KAZN: variants seen among roughly 807,000 people sequenced by gnomAD.
KAZN encodes kazrin.
In KAZN, 40 loss-of-function variants were observed where a neutral mutation model predicts 87.4. The ratio of observed to expected loss-of-function variants is 0.46; its 90% CI spans 0.36 to 0.60. KAZN has a LOEUF of 0.60. Among genes scored for constraint, KAZN ranks in the 20% least tolerant of loss-of-function variants. The pLI is 0.00. For synonymous variants in KAZN, 466 were observed against 458.3 expected (o/e 1.02, Z -0.22); for missense variants, 898 against 1,073.9 (o/e 0.84, Z 2.29).
chr1:13,975,340 T>C (rs566147149), intron 1 of KAZN, among the ~76,000 whole-genome samples: 10 of 152,344 alleles, frequency 6.6e-5, no homozygotes, highest in Admixed American at 2.6e-4. Context: ...ATACCAAGCA[T>C]ATAAAAAAGG....
At chr1:14,930,713 C>T (rs1659717072) in intron 1 of KAZN, among the ~76,000 whole-genome samples, 1 of 152,222 alleles carries the variant, frequency 6.6e-6, no homozygotes, top group Non-Finnish European at 1.5e-5. Context: ...GACCCTTCCT[C>T]CTGCAGTTTC....
intron 1 of KAZN, among the ~76,000 whole-genome samples, chr1:14,816,567 G>A (rs1290619567): frequency 1.3e-5 from 2 of 152,138 alleles, no homozygotes; most frequent in Admixed American, 1.3e-4. Context: ...AATCTTGCTA[G>A]GGTATACAAG....
intron 1 of KAZN, among the ~76,000 whole-genome samples, chr1:14,098,525 G>T (rs530465308): frequency 6.6e-6 from 1 of 152,268 alleles, no homozygotes; most frequent in East Asian, 1.9e-4. Context: ...GGGTTGCTGT[G>T]GGCAACCAGG....
At chr1:14,905,902 C>T (rs946325539) in intron 1 of KAZN, among the ~76,000 whole-genome samples, 9 of 148,762 alleles carry the variant, frequency 6.0e-5, no homozygotes, top group African/African-American at 2.2e-4. Context: ...GACACGGTGG[C>T]TCATGCCTGT....
intron 1 of KAZN, among the ~76,000 whole-genome samples, chr1:13,944,080 A>T (rs1641043111): frequency 1.3e-5 from 2 of 152,262 alleles, no homozygotes; most frequent in East Asian, 1.9e-4. Flanking sequence ...GCAGATGCTC[A>T]TAGCTGCCTT....
chr1:14,643,402 A>G (rs1013763426), intron 1 of KAZN, among the ~76,000 whole-genome samples: 7 of 152,162 alleles, frequency 4.6e-5, no homozygotes, highest in African/African-American at 1.7e-4. Flanking sequence ...GCCCTGACTT[A>G]TAAGTGAGAA....
At chr1:14,227,033 A>C (rs376886797) in intron 2 of KAZN, among the ~76,000 whole-genome samples, 1 of 152,142 alleles carries the variant, frequency 6.6e-6, no homozygotes, top group Non-Finnish European at 1.5e-5. Context: ...CTGCACATTT[A>C]CCCCTTGAAC....
chr1:14,080,106 T>C (rs1372650967), intron 1 of KAZN, among the ~76,000 whole-genome samples: 2 of 152,252 alleles, frequency 1.3e-5, no homozygotes, highest in African/African-American at 2.4e-5. Flanking sequence ...CAAAATCCTT[T>C]TCCTTTTACC....
intron 2 of KAZN, among the ~76,000 whole-genome samples, chr1:14,970,368 TTG>T (rs1664898374): frequency 6.6e-6 from 1 of 152,304 alleles, no homozygotes; most frequent in African/African-American, 2.4e-5. Context: ...GCCAGGCTCC[TTG>T]GCAACCCCGT....
At chr1:14,050,974 G>A (rs1455019136) in intron 1 of KAZN, among the ~76,000 whole-genome samples, 4 of 152,138 alleles carry the variant, frequency 2.6e-5, no homozygotes, top group Admixed American at 6.5e-5. Context: ...AAGAGAAATC[G>A]AGCCAGATAC....
chr1:13,940,986 G>A (rs958703625), intron 1 of KAZN, among the ~76,000 whole-genome samples: 3 of 152,168 alleles, frequency 2.0e-5, no homozygotes, highest in Admixed American at 6.5e-5. Context: ...CCTGAGGTCA[G>A]GAGTTCGAGA....
At chr1:14,354,131 G>A (rs1441969985) in intron 2 of KAZN, among the ~76,000 whole-genome samples, 2 of 152,180 alleles carry the variant, frequency 1.3e-5, no homozygotes, top group East Asian at 3.9e-4. Context: ...ATTCAATGGG[G>A]AATTGAAAGC....
intron 1 of KAZN, among the ~76,000 whole-genome samples, chr1:13,899,227 G>T (rs1639155319): frequency 1.3e-5 from 2 of 152,210 alleles, no homozygotes; most frequent in African/African-American, 4.8e-5. Context: ...CTTATTCTGG[G>T]ATGGTTATTG....
chr1:14,696,933 G>A (rs1290984154), intron 1 of KAZN, among the ~76,000 whole-genome samples: 2 of 152,032 alleles, frequency 1.3e-5, no homozygotes, highest in Non-Finnish European at 2.9e-5. Flanking sequence ...ACAGGCGGGG[G>A]TCCTTGAGTT....
intron 1 of KAZN, among the ~76,000 whole-genome samples, chr1:14,660,151 CCAAGCGGGAGCTCTACTGAGT>C (rs2148712925): frequency 6.6e-6 from 1 of 152,216 alleles, no homozygotes; most frequent in Non-Finnish European, 1.5e-5. Flanking sequence ...GTCGAGATGC[CCAAGCGGGAGCTCTACTGAGT>C]CACCTGCAAC....
intron 1 of KAZN, among the ~76,000 whole-genome samples, chr1:14,801,132 C>T (rs548489810): frequency 1.3e-4 from 20 of 151,688 alleles, no homozygotes; most frequent in African/African-American, 3.6e-4. Flanking sequence ...CTAATCGTCG[C>T]GGCAAAGCAG....
At chr1:14,395,100 A>G (rs938942042) in intron 2 of KAZN, among the ~76,000 whole-genome samples, 25 of 152,108 alleles carry the variant, frequency 1.6e-4, no homozygotes, top group Admixed American at 6.5e-5. Flanking sequence ...GAGGGAGAGA[A>G]TAAGGGGGAA....
chr1:14,742,428 G>A (rs765197677), intron 1 of KAZN, among the ~76,000 whole-genome samples: 2 of 152,106 alleles, frequency 1.3e-5, no homozygotes, highest in Non-Finnish European at 2.9e-5. Flanking sequence ...GATGACTCAG[G>A]CACTGAATAA....
chr1:14,388,137 C>T (rs932058384), intron 2 of KAZN, among the ~76,000 whole-genome samples: 1 of 152,260 alleles, frequency 6.6e-6, no homozygotes, highest in African/African-American at 2.4e-5. Flanking sequence ...ATCCCTTGCG[C>T]TTCCCGAGTG....
Sources: allele counts gnomAD v4.1 joint callset (sites outside exome capture counted in the v4.1 genomes callset), GRCh38; gene constraint gnomAD v4.1.1; transcripts MANE v1.5; gene names NCBI Gene and HGNC (gene_info 2026-07-23, HGNC 2026-07-21).